Variants in GRIK4 observed in about 807,000 individuals in gnomAD.
GRIK4 encodes the protein glutamate ionotropic receptor kainate type subunit 4.
Under a neutral mutation model 104.9 loss-of-function variants are expected in GRIK4, and 40 were observed. The observed-to-expected ratio is 0.38, with a 90% CI of 0.30 to 0.50. GRIK4 has a LOEUF of 0.50. GRIK4 is among the 20% of genes least tolerant of loss of function. The pLI, the probability that GRIK4 is intolerant of heterozygous loss-of-function variation, is 0.93. For synonymous variants in GRIK4, 485 were observed against 524.9 expected, an observed-to-expected ratio of 0.92 and a Z score of 1.04; for missense variants, 1,047 against 1,308.1, an observed-to-expected ratio of 0.80 and a Z score of 3.08.
At chr11:120,770,581 C>G (rs1474312031) in intron 3 of GRIK4, among the ~76,000 whole-genome samples, 2 of 152,180 alleles carry the variant, frequency 1.3e-5, no homozygotes, top group African/African-American at 4.8e-5. Flanking sequence ...TTCTCTTATG[C>G]TATGTATGCA....
chr11:120,619,829 G>A (rs1050328910), intron 1 of GRIK4: 14 of 176,240 alleles, frequency 7.9e-5, no homozygotes, highest in Non-Finnish European at 9.6e-5. Flanking sequence ...AGAACTGTAA[G>A]CTAATTAAAT....
At chr11:120,736,252 A>G (rs1951218828) in intron 3 of GRIK4, among the ~76,000 whole-genome samples, 1 of 151,926 alleles carries the variant, frequency 6.6e-6, no homozygotes, top group South Asian at 2.1e-4. Context: ...GGGAATGGGG[A>G]CCTCATGACT....
intron 3 of GRIK4, among the ~76,000 whole-genome samples, chr11:120,753,806 C>T (rs923339171): frequency 1.3e-5 from 2 of 152,138 alleles, no homozygotes; most frequent in Non-Finnish European, 2.9e-5. Flanking sequence ...GATGAATTTA[C>T]ATAACATATA....
intron 3 of GRIK4, among the ~76,000 whole-genome samples, chr11:120,735,759 C>G (rs1478640536): frequency 1.3e-5 from 2 of 152,206 alleles, no homozygotes; most frequent in East Asian, 3.9e-4. Context: ...CAAAGTCCTT[C>G]CCACTCTTCC....
intron 3 of GRIK4, among the ~76,000 whole-genome samples, chr11:120,756,671 C>G (rs1358052230): frequency 6.6e-6 from 1 of 152,192 alleles, no homozygotes; most frequent in Non-Finnish European, 1.5e-5. Context: ...TCCTGTGGAT[C>G]TTCCATATTT....
At chr11:120,792,152 G>A (rs990254467) in intron 3 of GRIK4, among the ~76,000 whole-genome samples, 4 of 152,160 alleles carry the variant, frequency 2.6e-5, no homozygotes, top group African/African-American at 7.2e-5. Flanking sequence ...AGGAGGGGAT[G>A]TCTGAGCCGA....
At chr11:120,832,126 G>A (rs1171889867) in intron 7 of GRIK4, 96 bp downstream of exon 7, 15 of 774,910 alleles carry the variant, frequency 1.9e-5, no homozygotes, top group South Asian at 7.6e-5. Flanking sequence ...ACGGAGCCCC[G>A]GGCTGGACCT....
chr11:120,540,136 A>G (rs1948017875), intron 1 of GRIK4, among the ~76,000 whole-genome samples: 2 of 152,144 alleles, frequency 1.3e-5, no homozygotes, highest in South Asian at 4.1e-4. Flanking sequence ...CACCATAGAA[A>G]GGCTTCACAG....
rs958935580 is a variant in GRIK4 at position 120,902,214 on chromosome 11, G to A, written c.1273-3076G>A. Among the ~76,000 whole-genome samples, 8 of 152,208 alleles carry A rather than the reference G, an allele frequency of 5.3e-5. No homozygotes were observed. The East Asian group carries it at 9.7e-4, about 18-fold the overall frequency. On this transcript the variant is annotated intron_variant, in intron 12 of 20. Transcript: ENST00000527524. The surrounding 1 kb of genome is among the most constrained non-coding windows in gnomAD (Gnocchi z 4.5). ...GCCAGCAAACATGGAATTGGCTGCC[G>A]CTCCCATTCCCTGAACACCTTTTCT... is the stretch of plus-strand genomic sequence containing the variant.
rs576872677 is a variant in GRIK4 at position 120,767,320 on chromosome 11, A to G, written c.83-35373A>G. ...TAAGTGATCTTGAGCACTTTTTCAT[A>G]TATCTGTTGGCCATTTGTATGTATT... is the stretch of plus-strand genomic sequence containing the variant. On this transcript the variant is annotated intron_variant, in intron 3 of 20. Coordinates refer to ENST00000527524, the MANE Select transcript of GRIK4 (RefSeq NM_014619.5). Among the ~76,000 whole-genome samples, 3 of 152,262 alleles carry G rather than the reference A, an allele frequency of 2.0e-5. No homozygotes were observed. In the East Asian group the frequency reaches 5.8e-4, roughly 29 times the overall value.
chr11:120,711,026 C>G (rs1950726142), intron 3 of GRIK4, among the ~76,000 whole-genome samples: 3 of 148,894 alleles, frequency 2.0e-5, no homozygotes, highest in African/African-American at 7.6e-5. Flanking sequence ...GCTGCAGGGC[C>G]CTGCTCTCCC....
At position 120,929,867 on chromosome 11, in the gene GRIK4, CGCATCCACA is replaced by C. The variant is rs1388992515; in HGVS notation, c.1477-10475_1477-10467del. Among the ~76,000 whole-genome samples, 12 of 152,114 alleles carry C rather than the reference CGCATCCACA, an allele frequency of 7.9e-5. 1 individual carries two copies. The highest frequency in any genetic ancestry group is 7.2e-4 in the Admixed American group (11 of 15,266). On this transcript the variant is annotated intron_variant, in intron 13 of 20. Transcript: ENST00000527524. ...GTCCTTAGGTTGGAGGATGTCTGAT[CGCATCCACA>C]GCATGACCTGAATCTGGTTCTAATG...
At chr11:120,977,726 G>A (rs1023516260) in intron 19 of GRIK4, among the ~76,000 whole-genome samples, 1 of 152,182 alleles carries the variant, frequency 6.6e-6, no homozygotes, top group Non-Finnish European at 1.5e-5. Context: ...AGACTATGGG[G>A]TGTTTCAGTG....
At chr11:120,564,067 G>C (rs1205342019) in intron 1 of GRIK4, among the ~76,000 whole-genome samples, 1 of 152,242 alleles carries the variant, frequency 6.6e-6, no homozygotes, top group African/African-American at 2.4e-5. Flanking sequence ...AGTTGGGGTG[G>C]GGGAGGCAAT....
chr11:120,941,098 C>T (rs901535222), intron 14 of GRIK4, among the ~76,000 whole-genome samples: 1 of 152,144 alleles, frequency 6.6e-6, no homozygotes, highest in African/African-American at 2.4e-5. Flanking sequence ...GAAGAGTCAC[C>T]CTGGCTGGGT....
At chr11:120,514,123 C>T (rs1476023234) in intron 1 of GRIK4, among the ~76,000 whole-genome samples, 1 of 152,106 alleles carries the variant, frequency 6.6e-6, no homozygotes, top group African/African-American at 2.4e-5. Context: ...GGAGAGACTG[C>T]TCAGAAGGCA....
At chr11:120,763,061 A>G (rs531385116) in intron 3 of GRIK4, among the ~76,000 whole-genome samples, 2 of 152,164 alleles carry the variant, frequency 1.3e-5, no homozygotes, top group African/African-American at 2.4e-5. Flanking sequence ...TCAGCTGTGA[A>G]TCTGTCTTGT....
rs1949805643 is a variant in GRIK4, at chr11:120,661,034, G to A, written c.82+634G>A. ...GAGGGGCGGGTCTGGGAAGTCAGGTGCCTCCTCCCTGCTGGGACTGAACAA... is the reference window on the plus strand; with the variant it reads ...GAGGGGCGGGTCTGGGAAGTCAGGTACCTCCTCCCTGCTGGGACTGAACAA... On this transcript the variant is annotated intron_variant, in intron 3 of 20. Transcript: ENST00000527524. Among the ~76,000 whole-genome samples, 3 of 152,272 alleles carry A rather than the reference G, an allele frequency of 2.0e-5. 1 individual carries two copies. The South Asian group carries it at 6.2e-4, about 32-fold the overall frequency.
At chr11:120,946,125 G>T (rs753260813) in intron 14 of GRIK4, among the ~76,000 whole-genome samples, 1 of 152,216 alleles carries the variant, frequency 6.6e-6, no homozygotes, top group Non-Finnish European at 1.5e-5. Flanking sequence ...GAGGGGAAAA[G>T]AACATGAAAA....
Sources: allele counts gnomAD v4.1 joint callset (sites outside exome capture counted in the v4.1 genomes callset), GRCh38; gene constraint gnomAD v4.1.1; non-coding constraint Gnocchi (gnomAD v3.1); transcripts MANE v1.5; gene names NCBI Gene and HGNC (gene_info 2026-07-23, HGNC 2026-07-21).